Variants in GRM7 observed in about 807,000 individuals in gnomAD.
The protein encoded by GRM7 is glutamate metabotropic receptor 7.
In GRM7, 35 loss-of-function variants were observed where a neutral mutation model predicts 84.5. The ratio of observed to expected loss-of-function variants is 0.41; its 90% CI spans 0.32 to 0.55. The LOEUF is 0.55. Among genes scored for constraint, GRM7 ranks in the 20% least tolerant of loss-of-function variants. The pLI, the probability that GRM7 is intolerant of heterozygous loss-of-function variation, is 0.19. For missense variants in GRM7, 1,003 were observed against 1,194.6 expected (o/e 0.84, Z 2.36); for synonymous variants, 487 against 455.1 (o/e 1.07, Z -0.89).
intron 1 of GRM7, among the ~76,000 whole-genome samples, chr3:7,109,236 C>T (rs909375652): frequency 1.3e-5 from 2 of 151,966 alleles, no homozygotes; most frequent in African/African-American, 4.8e-5. Flanking sequence ...AGGTTGAATT[C>T]AAGGAAGAGG....
intron 1 of GRM7, among the ~76,000 whole-genome samples, chr3:6,948,021 A>AT (rs1200083524): frequency 1.3e-5 from 2 of 152,012 alleles, no homozygotes; most frequent in African/African-American, 2.4e-5. Context: ...GGATTCATTG[A>AT]TTTTTTTGAA....
At chr3:7,095,582 T>C (rs1359324917) in intron 1 of GRM7, among the ~76,000 whole-genome samples, 1 of 152,184 alleles carries the variant, frequency 6.6e-6, no homozygotes, top group East Asian at 1.9e-4. Flanking sequence ...AAAAAATAAG[T>C]CAATGTTTTC....
At chr3:7,406,844 AT>A (rs985878828) in intron 4 of GRM7, among the ~76,000 whole-genome samples, 2 of 152,202 alleles carry the variant, frequency 1.3e-5, no homozygotes, top group African/African-American at 4.8e-5. Flanking sequence ...AAATTTGCAC[AT>A]TTTTTATAGC....
chr3:7,331,258 A>G lies in GRM7; in HGVS notation c.1033+24606A>G, dbSNP rs1701197676. The stretch of plus-strand genomic sequence containing the variant: ...CATGAAGGCTTATGGCCAAATCTCA[A>G]AAACATTATAGAGTAGAGTGAGCGT... On this transcript the variant is annotated intron_variant, in intron 4 of 9. Coordinates refer to ENST00000357716, the MANE Select transcript of GRM7 (RefSeq NM_000844.4). Among the ~76,000 whole-genome samples the G allele has an allele frequency of 2.0e-5, 3 of 152,350 alleles. No individual in the cohort carries two copies. In the South Asian group the frequency reaches 6.2e-4, roughly 32 times the overall value.
chr3:7,392,439 A>G (rs1355426278), intron 4 of GRM7, among the ~76,000 whole-genome samples: 1 of 152,132 alleles, frequency 6.6e-6, no homozygotes, highest in African/African-American at 2.4e-5. Context: ...TCAATGTCTG[A>G]TCTAAGACTA....
chr3:7,485,566 T>C (rs1181546741), intron 7 of GRM7, among the ~76,000 whole-genome samples: 2 of 152,146 alleles, frequency 1.3e-5, no homozygotes, highest in African/African-American at 2.4e-5. Context: ...AAAAATTAAT[T>C]TCAAGAAATT....
Position 7,522,536 on chromosome 3 carries a change from C to T in GRM7, c.1516-55886C>T, listed in dbSNP as rs746259080. ...TTATGCCTTCACCCCCTGACATTCT[C>T]CCCACATCCACACATATACTTGGCA... On this transcript the variant is annotated intron_variant, in intron 7 of 9. Transcript: ENST00000357716. Among the ~76,000 whole-genome samples, 7 of 152,268 alleles carry T rather than the reference C, an allele frequency of 4.6e-5. No homozygotes were observed. The South Asian group carries it at 6.2e-4, about 14-fold the overall frequency.
chr3:7,581,281 A>G (rs1257342685), intron 8 of GRM7, among the ~76,000 whole-genome samples: 1 of 152,198 alleles, frequency 6.6e-6, no homozygotes, highest in African/African-American at 2.4e-5. Flanking sequence ...CTAGAGAACA[A>G]TGTATTGGTA....
intron 1 of GRM7, among the ~76,000 whole-genome samples, chr3:7,051,615 CA>C (rs1364208075): frequency 2.0e-5 from 3 of 151,646 alleles, no homozygotes; most frequent in Non-Finnish European, 4.4e-5. Context: ...ATAAAGTGTC[CA>C]AAGGAATTGG....
chr3:7,609,348 A>G (rs1045916761), intron 8 of GRM7, among the ~76,000 whole-genome samples: 1 of 152,194 alleles, frequency 6.6e-6, no homozygotes. Flanking sequence ...ATGAAATTCA[A>G]TGCTGGGAGA....
intron 8 of GRM7, among the ~76,000 whole-genome samples, chr3:7,581,544 C>T (rs974549794): frequency 3.3e-5 from 5 of 152,102 alleles, no homozygotes; most frequent in African/African-American, 1.2e-4. Flanking sequence ...ATACATGAAA[C>T]TATAGCATTT....
chr3:7,030,901 G>A (rs892794690), intron 1 of GRM7, among the ~76,000 whole-genome samples: 2 of 152,070 alleles, frequency 1.3e-5, no homozygotes, highest in South Asian at 2.1e-4. Flanking sequence ...CTAAAACTCT[G>A]GCTCTCTTGA....
chr3:6,956,707 G>A (rs1693069931), intron 1 of GRM7: 1 of 452,338 alleles, frequency 2.2e-6, no homozygotes, highest in Non-Finnish European at 4.4e-6. Context: ...CCTGAAAAAA[G>A]GTTTATATCT....
chr3:7,421,303 C>T (rs1388962008), intron 5 of GRM7, among the ~76,000 whole-genome samples: 1 of 152,110 alleles, frequency 6.6e-6, no homozygotes, highest in African/African-American at 2.4e-5. Flanking sequence ...GATGATTAGG[C>T]AATGCTTGAT....
chr3:7,682,558 ACACACACACACAC>A (rs1006098603), intron 9 of GRM7, among the ~76,000 whole-genome samples: 14 of 99,326 alleles, frequency 1.4e-4, no homozygotes, highest in African/African-American at 3.9e-4. Flanking sequence ...ACACACACAC[ACACACACACACAC>A]ATTTAACTAG....
intron 4 of GRM7, among the ~76,000 whole-genome samples, chr3:7,330,592 T>A (rs554483443): frequency 3.3e-5 from 5 of 152,332 alleles, no homozygotes; most frequent in Non-Finnish European, 7.3e-5. Context: ...TGGTAGTGAA[T>A]AAGTCTCAGA....
intron 1 of GRM7, among the ~76,000 whole-genome samples, chr3:6,980,151 C>T (rs553113232): frequency 7.2e-5 from 11 of 152,132 alleles, no homozygotes; most frequent in African/African-American, 2.2e-4. Flanking sequence ...TTCATTCTTT[C>T]ACTCTTTCTT....
intron 1 of GRM7, among the ~76,000 whole-genome samples, chr3:6,864,844 A>G (rs1240259539): frequency 6.6e-6 from 1 of 152,196 alleles, no homozygotes; most frequent in Non-Finnish European, 1.5e-5. Context: ...CCTTCCTGGA[A>G]ATTTGGACCT....
intron 8 of GRM7, among the ~76,000 whole-genome samples, chr3:7,679,544 CAGCAGAT>C (rs1489551760): frequency 5.9e-5 from 9 of 152,110 alleles, no homozygotes; most frequent in East Asian, 3.9e-4. Flanking sequence ...ACTCACTATT[CAGCAGAT>C]AGGGAAAAGG....
Sources: allele counts gnomAD v4.1 joint callset (sites outside exome capture counted in the v4.1 genomes callset), GRCh38; gene constraint gnomAD v4.1.1; transcripts MANE v1.5; gene names NCBI Gene and HGNC (gene_info 2026-07-23, HGNC 2026-07-21).